CDH13: variants seen among roughly 807,000 people sequenced by gnomAD.
CDH13 encodes the protein cadherin 13.
Under a neutral mutation model 63.8 loss-of-function variants are expected in CDH13, and 24 were observed. The observed-to-expected ratio is 0.38, with a 90% CI of 0.27 to 0.53. The LOEUF is 0.53. CDH13 is among the 20% of genes least tolerant of loss of function. The pLI is 0.85. For missense variants in CDH13, 1,049 were observed against 903.1 expected (o/e 1.16, Z -2.07); for synonymous variants, 503 against 355.3 (o/e 1.42, Z -4.67).
chr16:83,554,567 C>G (rs146463953), intron 7 of CDH13, among the ~76,000 whole-genome samples: 1 of 152,074 alleles, frequency 6.6e-6, no homozygotes, highest in African/African-American at 2.4e-5. Context: ...GAAAAATGAG[C>G]TGAGGAGGGT....
At chr16:82,961,385 T>A (rs1191110771) in intron 2 of CDH13, among the ~76,000 whole-genome samples, 2 of 152,134 alleles carry the variant, frequency 1.3e-5, no homozygotes, top group Admixed American at 6.5e-5. Flanking sequence ...AAGTAATATG[T>A]TGTTCTTCTT....
intron 5 of CDH13, among the ~76,000 whole-genome samples, chr16:83,321,070 T>C (rs945016364): frequency 6.6e-6 from 1 of 152,218 alleles, no homozygotes; most frequent in African/African-American, 2.4e-5. Context: ...ATAGAGTTCA[T>C]TGATGAAGTA....
At chr16:82,627,382 A>T (rs1215150142) in intron 1 of CDH13, among the ~76,000 whole-genome samples, 1 of 67,710 alleles carries the variant, frequency 1.5e-5, no homozygotes, top group African/African-American at 4.6e-5. Context: ...GTGTGTGTGT[A>T]CGTTCGTTAA....
At chr16:82,904,124 G>C (rs1315580543) in intron 2 of CDH13, among the ~76,000 whole-genome samples, 1 of 151,992 alleles carries the variant, frequency 6.6e-6, no homozygotes, top group Non-Finnish European at 1.5e-5. Context: ...ATTAGAGTGA[G>C]ATTTAAAGAA....
intron 1 of CDH13, among the ~76,000 whole-genome samples, chr16:82,797,546 C>T (rs1415649165): frequency 6.6e-6 from 1 of 152,174 alleles, no homozygotes; most frequent in Non-Finnish European, 1.5e-5. Context: ...CAAGAAATTA[C>T]ATCTAGTTAC....
At chr16:82,961,390 C>T (rs996579230) in intron 2 of CDH13, among the ~76,000 whole-genome samples, 3 of 152,244 alleles carry the variant, frequency 2.0e-5, no homozygotes, top group East Asian at 3.9e-4. Context: ...ATATGTTGTT[C>T]TTCTTTTCTT....
At chr16:83,021,892 G>A (rs189485865) in intron 2 of CDH13, among the ~76,000 whole-genome samples, 20 of 152,324 alleles carry the variant, frequency 1.3e-4, no homozygotes, top group Non-Finnish European at 2.9e-4. Flanking sequence ...AAATAATCAA[G>A]TCTGTAGGGT....
At chr16:82,779,431 A>G (rs575443847) in intron 1 of CDH13, among the ~76,000 whole-genome samples, 2 of 152,326 alleles carry the variant, frequency 1.3e-5, no homozygotes, top group South Asian at 4.1e-4. Flanking sequence ...CTAACACAGC[A>G]GTTCTCCAAT....
At chr16:82,871,422 T>C (rs988124923) in intron 2 of CDH13, among the ~76,000 whole-genome samples, 2 of 152,192 alleles carry the variant, frequency 1.3e-5, no homozygotes, top group South Asian at 4.2e-4. Flanking sequence ...ATAGGAGTGT[T>C]ATTGGGGAGC....
intron 2 of CDH13, among the ~76,000 whole-genome samples, chr16:82,868,669 A>G (rs1352538254): frequency 6.6e-6 from 1 of 152,254 alleles, no homozygotes; most frequent in Non-Finnish European, 1.5e-5. Flanking sequence ...GACCAGAGGT[A>G]TCACACTGTC....
intron 10 of CDH13, among the ~76,000 whole-genome samples, chr16:83,738,706 G>A (rs1376446556): frequency 4.6e-5 from 7 of 152,154 alleles, no homozygotes; most frequent in Admixed American, 2.6e-4. Flanking sequence ...AGGAGTCTGA[G>A]ACCAGCCTGG....
intron 1 of CDH13, among the ~76,000 whole-genome samples, chr16:82,757,900 C>T (rs2034678778): frequency 2.0e-5 from 3 of 152,248 alleles, no homozygotes; most frequent in Admixed American, 6.5e-5. Flanking sequence ...CCGCCCGCCT[C>T]GGCCTCCCAA....
chr16:82,770,429 A>C (rs555300006), intron 1 of CDH13, among the ~76,000 whole-genome samples: 2 of 152,324 alleles, frequency 1.3e-5, no homozygotes, highest in African/African-American at 4.8e-5. Flanking sequence ...TTAGTTATTT[A>C]GTCTTTTTCC....
At chr16:83,533,778 G>A (rs1006011831) in intron 7 of CDH13, among the ~76,000 whole-genome samples, 6 of 151,776 alleles carry the variant, frequency 4.0e-5, no homozygotes, top group East Asian at 3.9e-4. Context: ...GCACCACCAC[G>A]CCCAGCTAAT....
chr16:83,671,647 G>A (rs1229007144), intron 9 of CDH13, among the ~76,000 whole-genome samples: 1 of 152,166 alleles, frequency 6.6e-6, no homozygotes, highest in Non-Finnish European at 1.5e-5. Flanking sequence ...AGAGATCTGT[G>A]CTCAAAACGT....
rs150154009 is a variant in CDH13, at chr16:83,362,157, C to T, written c.781+17151C>T. On this transcript the variant is annotated intron_variant, in intron 6 of 13. Coordinates refer to ENST00000567109, the MANE Select transcript of CDH13 (RefSeq NM_001257.5). ...TCTCCAAGATGCTGTTTAAAAAAAT[C>T]TGGTTTCTTCCAAAGTGTCAGGCTT... is the stretch of plus-strand genomic sequence containing the variant. Among the ~76,000 whole-genome samples the T allele has an allele frequency of 9.1e-3, 1,384 of 152,284 alleles. 16 individuals carry two copies. Among genetic ancestry groups the T allele is most frequent in the African/African-American group, 0.031 (1,285 of 41,562 alleles).
intron 2 of CDH13, among the ~76,000 whole-genome samples, chr16:82,886,810 G>A (rs750392787): frequency 4.9e-4 from 74 of 152,114 alleles, no homozygotes; most frequent in Non-Finnish European, 7.9e-4. Flanking sequence ...CAAGTGACTC[G>A]GAAGTTGCTT....
intron 6 of CDH13, among the ~76,000 whole-genome samples, chr16:83,388,706 G>C (rs11149560): frequency 0.27 from 40,634 of 151,882 alleles, 6,895 homozygotes; most frequent in African/African-American, 0.5. Context: ...TATTTCCAAG[G>C]GCACAGCAGG....
rs537918777 is a variant in CDH13, at chr16:83,244,717, G to A, written c.636+27220G>A. Reference sequence around the variant, plus strand: ...CAAAATCAGCATTAAAGGCACATAGGCAATGACCAACAGAAACCAGGCAAC... The same window carrying A: ...CAAAATCAGCATTAAAGGCACATAGACAATGACCAACAGAAACCAGGCAAC... On this transcript the variant is annotated intron_variant, in intron 5 of 13. Coordinates refer to ENST00000567109, the MANE Select transcript of CDH13 (RefSeq NM_001257.5). 2.0e-3 allele frequency among the ~76,000 whole-genome samples: 305 copies of A among 152,242 alleles called. 2 individuals carry two copies. In the Middle Eastern group the frequency reaches 0.027, roughly 14 times the overall value.
Sources: allele counts gnomAD v4.1 joint callset (sites outside exome capture counted in the v4.1 genomes callset), GRCh38; gene constraint gnomAD v4.1.1; transcripts MANE v1.5; gene names NCBI Gene and HGNC (gene_info 2026-07-23, HGNC 2026-07-21).